RBFOX1: variants seen among roughly 807,000 people sequenced by gnomAD.
The protein encoded by RBFOX1 is RNA binding protein fox-1 homolog 1.
A neutral mutation model predicts 57.7 loss-of-function variants in RBFOX1; 8 were observed. The observed-to-expected ratio is 0.14, with a 90% CI of 0.08 to 0.25. RBFOX1 has a LOEUF of 0.25. RBFOX1 is among the 10% of genes least tolerant of loss of function. The probability of loss-of-function intolerance (pLI) is 1.00; values close to 1 mark genes in which losing one functional copy is unlikely to be tolerated. For missense variants in RBFOX1, 611 were observed against 548.5 expected (o/e 1.11, Z -1.14); for synonymous variants, 326 against 222.4 (o/e 1.47, Z -4.15).
At chr16:7,328,136 C>T (rs932594862) in intron 4 of RBFOX1, among the ~76,000 whole-genome samples, 7 of 152,058 alleles carry the variant, frequency 4.6e-5, no homozygotes, top group African/African-American at 1.4e-4. Context: ...TCCAGAGTGG[C>T]GGAGACTCAG....
At chr16:5,922,075 C>T (rs2058835501) in intron 4 of RBFOX1, among the ~76,000 whole-genome samples, 1 of 152,120 alleles carries the variant, frequency 6.6e-6, no homozygotes, top group African/African-American at 2.4e-5. Flanking sequence ...GTAGGAGGAT[C>T]ACTTGAGTCC....
At chr16:6,509,920 G>A (rs2096214208) in intron 2 of RBFOX1, among the ~76,000 whole-genome samples, 1 of 152,174 alleles carries the variant, frequency 6.6e-6, no homozygotes, top group South Asian at 2.1e-4. Context: ...CCCTGATAAT[G>A]CAGGAGACGC....
intron 4 of RBFOX1, among the ~76,000 whole-genome samples, chr16:7,464,455 A>G (rs1394429602): frequency 1.3e-5 from 2 of 151,742 alleles, no homozygotes; most frequent in East Asian, 3.9e-4. Context: ...ATGGATCAGG[A>G]GGATTTAGAA....
intron 4 of RBFOX1, among the ~76,000 whole-genome samples, chr16:7,484,033 A>T (rs995824685): frequency 6.6e-6 from 1 of 152,134 alleles, no homozygotes; most frequent in Admixed American, 6.5e-5. Context: ...GGCAAGTATT[A>T]ATCAGCTTTC....
At chr16:6,467,178 A>G (rs1008254870) in intron 2 of RBFOX1, among the ~76,000 whole-genome samples, 2 of 151,120 alleles carry the variant, frequency 1.3e-5, no homozygotes, top group Admixed American at 1.3e-4. Flanking sequence ...TTAATGTAAT[A>G]TAAAGTTTAC....
At chr16:5,444,612 C>G (rs1347609868) in intron 1 of RBFOX1, among the ~76,000 whole-genome samples, 1 of 152,114 alleles carries the variant, frequency 6.6e-6, no homozygotes, top group Non-Finnish European at 1.5e-5. Flanking sequence ...TACGGGATCT[C>G]ATGGCCAGAT....
At chr16:6,729,160 T>G (rs1305577074) in intron 3 of RBFOX1, among the ~76,000 whole-genome samples, 1 of 152,178 alleles carries the variant, frequency 6.6e-6, no homozygotes, top group African/African-American at 2.4e-5. Flanking sequence ...ATTTTCTTCT[T>G]AGTTTTCATC....
chr16:7,439,522 T>G (rs537739922), intron 4 of RBFOX1, among the ~76,000 whole-genome samples: 1 of 152,204 alleles, frequency 6.6e-6, no homozygotes, highest in Non-Finnish European at 1.5e-5. Context: ...CCAGGCCTTG[T>G]AAGTCGATAG....
chr16:6,910,869 C>T lies in RBFOX1; in HGVS notation c.-15-141188C>T, dbSNP rs533601988. Among the ~76,000 whole-genome samples the T allele has an allele frequency of 1.7e-4, 26 of 152,260 alleles. No individual in the cohort carries two copies. The South Asian group carries it at 5.4e-3, about 32-fold the overall frequency. ...AAGAATGCCTCCATTTCATGCTGGT[C>T]TTTATACCTTTGCCTTCCTTGCTAA... On this transcript the variant is annotated intron_variant, in intron 3 of 15. Transcript: ENST00000550418.
intron 3 of RBFOX1, among the ~76,000 whole-genome samples, chr16:5,627,319 A>G (rs577453484): frequency 1.3e-5 from 2 of 152,304 alleles, no homozygotes; most frequent in Admixed American, 6.5e-5. Context: ...AAATAGAACA[A>G]AAGGTAATGA....
rs180896788 is a variant in RBFOX1 at position 5,675,396 on chromosome 16, A to T, written c.318+76435A>T. On this transcript the variant is annotated intron_variant, in intron 3 of 19. Transcript: ENST00000641259. ...GGGCTAAGCACATTGGTGCTTGAAA[A>T]GAGAGAAGCATCCCTGGGTTTTCAG... 3.3e-3 allele frequency among the ~76,000 whole-genome samples: 505 copies of T among 152,272 alleles called. 6 individuals are homozygous for T. Among genetic ancestry groups the T allele is most frequent in the Non-Finnish European group, 5.2e-3 (351 of 68,018 alleles).
chr16:6,457,239 G>T (rs2094795899), intron 2 of RBFOX1, among the ~76,000 whole-genome samples: 2 of 152,160 alleles, frequency 1.3e-5, no homozygotes, highest in Admixed American at 6.5e-5. Flanking sequence ...AAATCAGCAG[G>T]AAATAGTGGT....
intron 1 of RBFOX1, among the ~76,000 whole-genome samples, chr16:5,386,690 C>T (rs1272813492): frequency 6.6e-6 from 1 of 152,160 alleles, no homozygotes; most frequent in Non-Finnish European, 1.5e-5. Context: ...CTCACTTCCC[C>T]ATGGCCACCT....
At chr16:5,573,070 C>T (rs1470006592) in intron 2 of RBFOX1, among the ~76,000 whole-genome samples, 7 of 152,066 alleles carry the variant, frequency 4.6e-5, no homozygotes, top group Admixed American at 1.3e-4. Context: ...AGGCAGTTGT[C>T]GTAATGATGG....
In RBFOX1 at chr16:7,114,742, A is replaced by G. The variant is rs1255592819; in HGVS notation, c.27+62644A>G. On this transcript the variant is annotated intron_variant, in intron 4 of 15. Transcript: ENST00000550418. ...GCTCATGAAGAGTCCTGCTAGGTGC[A>G]TGGAAACTTTGCTTTCTGTTTACAT... Among the ~76,000 whole-genome samples the G allele has an allele frequency of 2.6e-5, 4 of 152,288 alleles. No homozygotes were observed. The South Asian group carries it at 8.3e-4, about 32-fold the overall frequency.
chr16:5,515,001 A>C (rs72761060), intron 2 of RBFOX1, among the ~76,000 whole-genome samples: 3,867 of 152,268 alleles, frequency 0.025, 70 homozygotes, highest in South Asian at 0.057. Context: ...AAGGGGAAGC[A>C]GGAATGTTAC....
chr16:5,822,157 A>G (rs923006435), intron 3 of RBFOX1, among the ~76,000 whole-genome samples: 1 of 152,250 alleles, frequency 6.6e-6, no homozygotes, highest in Non-Finnish European at 1.5e-5. Context: ...ATTAGAGACT[A>G]TTATTCTAAG....
intron 3 of RBFOX1, among the ~76,000 whole-genome samples, chr16:6,710,240 C>T (rs986249207): frequency 1.3e-5 from 2 of 152,076 alleles, no homozygotes; most frequent in Non-Finnish European, 2.9e-5. Context: ...CTTCTCAAAG[C>T]CAAATTGTTC....
intron 2 of RBFOX1, among the ~76,000 whole-genome samples, chr16:6,417,388 G>T (rs1455048108): frequency 1.4e-5 from 2 of 146,358 alleles, no homozygotes; most frequent in Non-Finnish European, 1.5e-5. Context: ...AAGAGTTTCA[G>T]TTAGTCAAAT....
Sources: gnomAD v4.1 joint callset for allele counts (sites outside exome capture counted in the v4.1 genomes callset) on GRCh38, gnomAD v4.1.1 for gene constraint, MANE v1.5 for transcripts, NCBI Gene and HGNC (gene_info 2026-07-23, HGNC 2026-07-21) for gene names.